Variants in CLDN14 observed in about 807,000 individuals in gnomAD.
CLDN14 encodes the protein claudin-14.
A neutral mutation model predicts 2.1 loss-of-function variants in CLDN14; 2 were observed. That is an observed-to-expected ratio of 0.96 (90% confidence interval 0.39 to 3.01). CLDN14 has a LOEUF of 3.01. Ranked by LOEUF, CLDN14 falls within the 30% of genes most tolerant of loss-of-function variation. The pLI is 0.09. For synonymous variants in CLDN14, 136 were observed against 154.4 expected (o/e 0.88, Z 0.88); for missense variants, 298 against 328.0 (o/e 0.91, Z 0.71).
At chr21:36,491,491 G>A (rs566767442) in intron 2 of CLDN14, among the ~76,000 whole-genome samples, 1 of 152,282 alleles carries the variant, frequency 6.6e-6, no homozygotes, top group East Asian at 1.9e-4. Context: ...TAATTTCCGC[G>A]TACTTTTTGG....
At chr21:36,488,756 T>C (rs943374879) in intron 2 of CLDN14, among the ~76,000 whole-genome samples, 2 of 152,106 alleles carry the variant, frequency 1.3e-5, no homozygotes, top group Non-Finnish European at 1.5e-5. Context: ...GATATGCGTG[T>C]ACTTAATGTC....
intron 1 of CLDN14, among the ~76,000 whole-genome samples, chr21:36,570,106 G>A (rs1347374581): frequency 6.6e-6 from 1 of 152,148 alleles, no homozygotes; most frequent in Non-Finnish European, 1.5e-5. Context: ...ACAACTCCGG[G>A]GATGGCTTTC....
chr21:36,490,383 T>TA (rs1266868588), intron 2 of CLDN14, among the ~76,000 whole-genome samples: 110 of 140,984 alleles, frequency 7.8e-4, no homozygotes, highest in Middle Eastern at 7.5e-3. Context: ...AATTTTTTTT[T>TA]AATTTTTTTT....
intron 2 of CLDN14, among the ~76,000 whole-genome samples, chr21:36,506,096 C>G (rs573930231): frequency 6.6e-6 from 1 of 152,312 alleles, no homozygotes; most frequent in South Asian, 2.1e-4. Context: ...CTGGCTCTTT[C>G]TGAGAGAATA....
chr21:36,563,882 G>A (rs930669337), intron 1 of CLDN14, among the ~76,000 whole-genome samples: 2 of 152,110 alleles, frequency 1.3e-5, no homozygotes, highest in East Asian at 1.9e-4. Flanking sequence ...TCCCCCAGGC[G>A]CCATTACGCC....
chr21:36,545,108 G>T (rs1407666360), intron 1 of CLDN14, among the ~76,000 whole-genome samples: 1 of 152,192 alleles, frequency 6.6e-6, no homozygotes, highest in East Asian at 1.9e-4. Flanking sequence ...AGAGAGGGAG[G>T]CAGGGCTCTC....
intron 2 of CLDN14, among the ~76,000 whole-genome samples, chr21:36,494,222 G>A (rs541125957): frequency 1.3e-5 from 2 of 152,270 alleles, no homozygotes; most frequent in Non-Finnish European, 2.9e-5. Context: ...TCGCCATGTA[G>A]GATATGATGC....
intron 1 of CLDN14, among the ~76,000 whole-genome samples, chr21:36,515,605 G>A (rs1187030962): frequency 6.8e-6 from 1 of 146,502 alleles, no homozygotes; most frequent in Non-Finnish European, 1.5e-5. Flanking sequence ...TCTGGGAGGT[G>A]GAGGTTGTAG....
intron 1 of CLDN14, among the ~76,000 whole-genome samples, chr21:36,523,284 C>T (rs1474890715): frequency 6.6e-6 from 1 of 152,180 alleles, no homozygotes; most frequent in Non-Finnish European, 1.5e-5. Context: ...CTTGAAACTT[C>T]CATCTGAATA....
intron 2 of CLDN14, among the ~76,000 whole-genome samples, chr21:36,503,031 G>A (rs1568861830): frequency 6.6e-6 from 1 of 152,158 alleles, no homozygotes; most frequent in Non-Finnish European, 1.5e-5. Context: ...GCCAGCTTGA[G>A]AACTACTGGG....
In CLDN14 at chr21:36,567,874, G is replaced by A. The variant is rs1015382299; in HGVS notation, c.-220+8537C>T. ...TTTTCATACATTTGTTTCAATCAAA[G>A]GGCTTTTATTTAGTACCATTTATTT... On this transcript the variant is annotated intron_variant, in intron 1 of 2. Transcript: ENST00000342108. Among the ~76,000 whole-genome samples, 3 of 151,968 alleles carry A rather than the reference G, an allele frequency of 2.0e-5. No individual in the cohort carries two copies. The East Asian group carries it at 5.8e-4, about 29-fold the overall frequency.
intron 1 of CLDN14, among the ~76,000 whole-genome samples, chr21:36,524,722 C>A (rs2087309909): frequency 6.6e-6 from 1 of 152,178 alleles, no homozygotes; most frequent in Non-Finnish European, 1.5e-5. Context: ...CAGCCACTGG[C>A]CACTTCCCAG....
intron 1 of CLDN14, among the ~76,000 whole-genome samples, chr21:36,465,285 C>T (rs2086631525): frequency 6.6e-6 from 1 of 152,186 alleles, no homozygotes; most frequent in Non-Finnish European, 1.5e-5. Flanking sequence ...AAGAATGTGG[C>T]ATAAAAGCCA....
Position 36,475,628 on chromosome 21 carries a change from G to A in CLDN14, c.-82+3867C>T, listed in dbSNP as rs529466201. Among the ~76,000 whole-genome samples the A allele has an allele frequency of 2.6e-5, 4 of 152,256 alleles. No homozygotes were observed. In the South Asian group the frequency reaches 6.2e-4, roughly 24 times the overall value. On this transcript the variant is annotated intron_variant, in intron 1 of 1. Transcript: ENST00000399135. ...TGCAGTGGCACAATCACGGCTCCCTGCGGCCTTGACCTCCTGAGCTCAAGT... is the reference window on the plus strand; with the variant it reads ...TGCAGTGGCACAATCACGGCTCCCTACGGCCTTGACCTCCTGAGCTCAAGT...
chr21:36,461,583 G>T lies in CLDN14; in HGVS notation c.113C>A (p.Thr38Asn), dbSNP rs1401609630. 4 of 1,611,730 alleles carry T rather than the reference G, an allele frequency of 2.5e-6. No homozygotes were observed. The highest frequency in any genetic ancestry group is 3.4e-6 in the Non-Finnish European group (4 of 1,179,346). Residue 38 changes from threonine to asparagine, a missense_variant, in exon 2 of 2, where the codon ACC (threonine) becomes AAC (asparagine). Thr to Asn is a moderately conservative substitution (Grantham distance 65, BLOSUM62 0). Transcript: ENST00000399135. ...PHWRRTAHVGTNILTAVSYLK... is the reference protein window; with the variant it reads ...PHWRRTAHVGNNILTAVSYLK... ...GTAGGACACGGCCGTGAGGATGTTG[G>T]TGCCCACGTGCGCTGTCCTCCGCCA...
chr21:36,533,601 AG>A (rs769864367), intron 1 of CLDN14, among the ~76,000 whole-genome samples: 13 of 152,214 alleles, frequency 8.5e-5, no homozygotes, highest in Non-Finnish European at 1.8e-4. Flanking sequence ...AACAGAATGC[AG>A]GGTGGCAACG....
chr21:36,463,738 AAAAT>A (rs1568841315), intron 1 of CLDN14, among the ~76,000 whole-genome samples: 1 of 152,184 alleles, frequency 6.6e-6, no homozygotes, highest in African/African-American at 2.4e-5. Flanking sequence ...AAAATGAAAT[AAAAT>A]AAATCAATAA....
intron 1 of CLDN14, among the ~76,000 whole-genome samples, chr21:36,536,637 G>A (rs1355088939): frequency 6.6e-6 from 1 of 152,114 alleles, no homozygotes; most frequent in Non-Finnish European, 1.5e-5. Flanking sequence ...GTGAAATTTT[G>A]CGTTTAGTTA....
In CLDN14 at chr21:36,461,442, A is replaced by G. The variant is rs74315437; in HGVS notation, c.254T>C (p.Val85Ala). ...QDLQAARALMVISCLLSGIAC... is the reference protein window; with the variant it reads ...QDLQAARALMAISCLLSGIAC... ...TATGCCCGAGAGCAGGCAGGAGATG[A>G]CCATGAGGGCGCGGGCAGCCTGGAG... is the stretch of plus-strand genomic sequence containing the variant. The change falls in exon 2 of 2, where the codon GTC becomes GCC. Residue 85 changes from valine to alanine, a missense_variant. By Grantham distance (64) the Val-to-Ala change is moderately conservative (BLOSUM62 0). Transcript: ENST00000399135. 1 of 1,613,316 alleles carries G rather than the reference A, an allele frequency of 6.2e-7. No homozygotes were observed. The highest frequency in any genetic ancestry group is 1.7e-5 in the Admixed American group (1 of 60,028).
Sources: gnomAD v4.1 joint callset for allele counts (sites outside exome capture counted in the v4.1 genomes callset) on GRCh38, gnomAD v4.1.1 for gene constraint, MANE v1.5 for transcripts, NCBI Gene and HGNC (gene_info 2026-07-23, HGNC 2026-07-21) for gene names.